The following RAP1GDS1 variants were observed in gnomAD, a reference collection of about 807,000 sequenced individuals.
The protein encoded by RAP1GDS1 is RAP1, GTP-GDP dissociation stimulator 1.
A neutral mutation model predicts 71.1 loss-of-function variants in RAP1GDS1; 35 were observed. The observed-to-expected ratio is 0.49, with a 90% confidence interval of 0.38 to 0.65. RAP1GDS1 has a LOEUF of 0.65. Among genes scored for constraint, RAP1GDS1 ranks in the 30% least tolerant of loss-of-function variants. The probability of loss-of-function intolerance (pLI) is 0.00; values close to 1 mark genes in which losing one functional copy is unlikely to be tolerated. For synonymous variants in RAP1GDS1, 229 were observed against 243.1 expected (o/e 0.94, Z 0.54); for missense variants, 663 against 706.1 (o/e 0.94, Z 0.69).
intron 2 of RAP1GDS1, among the ~76,000 whole-genome samples, chr4:98,323,683 C>G (rs1323544287): frequency 7.3e-6 from 1 of 137,484 alleles, no homozygotes; most frequent in South Asian, 2.5e-4. Context: ...ACATGATTAT[C>G]TCAATAGATG....
intron 4 of RAP1GDS1, among the ~76,000 whole-genome samples, chr4:98,365,951 G>A (rs1004825461): frequency 5.3e-5 from 8 of 152,260 alleles, no homozygotes; most frequent in Admixed American, 3.3e-4. Context: ...AAACCTTAAC[G>A]TAAACAGTAA....
At chr4:98,323,929 C>T (rs1732454388) in intron 2 of RAP1GDS1, among the ~76,000 whole-genome samples, 1 of 137,462 alleles carries the variant, frequency 7.3e-6, no homozygotes, top group African/African-American at 2.7e-5. Flanking sequence ...CCAGGGCAAT[C>T]AGGCAGGAGA....
chr4:98,297,018 C>CTTTTT, intron 2 of RAP1GDS1: 1 of 152,598 alleles, frequency 6.6e-6, no homozygotes. Flanking sequence ...GCCTCGTTCT[C>CTTTTT]TTTTTTTTTT....
At position 98,278,989 on chromosome 4, in the gene RAP1GDS1, A is replaced by G. The variant is rs551354554; in HGVS notation, c.5-14419A>G. Among the ~76,000 whole-genome samples, 116 of 152,292 alleles carry G rather than the reference A, an allele frequency of 7.6e-4. 2 individuals carry two copies. The South Asian group carries it at 0.011, about 14-fold the overall frequency. ...TGTAATCCCAGCACTTTGGGAGGCC[A>G]AGGCGGGTGGATCATGAGGTCAGGA... On this transcript the variant is annotated intron_variant, in intron 1 of 14. Transcript: ENST00000408927.
chr4:98,321,635 A>G (rs1731919421), intron 2 of RAP1GDS1, among the ~76,000 whole-genome samples: 1 of 150,444 alleles, frequency 6.6e-6, no homozygotes, highest in African/African-American at 2.4e-5. Context: ...AAAGAAAAGA[A>G]TTTTCAACCC....
At chr4:98,339,159 T>C (rs1413761058) in intron 2 of RAP1GDS1, among the ~76,000 whole-genome samples, 5 of 152,168 alleles carry the variant, frequency 3.3e-5, no homozygotes, top group Admixed American at 3.3e-4. Flanking sequence ...TCCTTTTCTT[T>C]CCTATATCTG....
At chr4:98,287,082 AC>A (rs1726159428) in intron 1 of RAP1GDS1, among the ~76,000 whole-genome samples, 1 of 152,124 alleles carries the variant, frequency 6.6e-6, no homozygotes, top group Non-Finnish European at 1.5e-5. Context: ...AGTGCAAGTA[AC>A]TCAAAAGTAA....
chr4:98,410,453 ATT>A (rs1746882293), intron 7 of RAP1GDS1, among the ~76,000 whole-genome samples: 1 of 152,166 alleles, frequency 6.6e-6, no homozygotes, highest in Non-Finnish European at 1.5e-5. Flanking sequence ...AATTGGTACA[ATT>A]GGGAAGTAGT....
chr4:98,417,253 G>A (rs1748167333), intron 8 of RAP1GDS1, 114 bp from the exon 9 acceptor site: 1 of 1,020,674 alleles, frequency 9.8e-7, no homozygotes, highest in Non-Finnish European at 1.4e-6. Flanking sequence ...TTCCCATTAT[G>A]AATGTAACAG....
intron 6 of RAP1GDS1, among the ~76,000 whole-genome samples, chr4:98,401,580 G>A (rs1745412407): frequency 6.6e-6 from 1 of 152,188 alleles, no homozygotes; most frequent in African/African-American, 2.4e-5. Flanking sequence ...GGAGTCTGCT[G>A]ATAATATTAG....
At chr4:98,341,002 C>A (rs1264368837) in intron 2 of RAP1GDS1, among the ~76,000 whole-genome samples, 1 of 151,830 alleles carries the variant, frequency 6.6e-6, no homozygotes, top group Non-Finnish European at 1.5e-5. Context: ...AGAAACCTAC[C>A]CATGTACCCT....
In RAP1GDS1 at chr4:98,417,248, A is replaced by G. The variant is rs572420079; in HGVS notation, c.908-119A>G. On this transcript the variant is annotated intron_variant, in intron 8 of 14. Coordinates refer to ENST00000408927, the MANE Select transcript of RAP1GDS1 (RefSeq NM_001100427.2). ...TATAAAAAGAATCATTACTTTTCCC[A>G]TTATGAATGTAACAGTTTGTGAGGT... 5.0e-6 allele frequency: 5 copies of G among 992,786 alleles called. No individual in the cohort carries two copies. The East Asian group carries it at 7.6e-5, about 15-fold the overall frequency. The allele number at this position is 992,786 out of a possible 1,614,324, so 61.5% of individuals were successfully genotyped here. A position where few individuals can be genotyped will look rare whatever the true frequency, so the allele number is the denominator to read the frequency against.
intron 2 of RAP1GDS1, among the ~76,000 whole-genome samples, chr4:98,342,653 T>G (rs1735658232): frequency 6.6e-6 from 1 of 152,192 alleles, no homozygotes; most frequent in African/African-American, 2.4e-5. Flanking sequence ...ATAGGAACCA[T>G]GTAATCCCTT....
At chr4:98,428,553 A>C (rs1323418726) in intron 12 of RAP1GDS1, among the ~76,000 whole-genome samples, 1 of 152,212 alleles carries the variant, frequency 6.6e-6, no homozygotes, top group Non-Finnish European at 1.5e-5. Context: ...ACATGAATAG[A>C]CAGTAATGAA....
At chr4:98,307,823 C>A (rs1437071371) in intron 2 of RAP1GDS1, among the ~76,000 whole-genome samples, 6 of 151,916 alleles carry the variant, frequency 3.9e-5, no homozygotes, top group Non-Finnish European at 8.8e-5. Context: ...TTCCTCTTGC[C>A]CTTATAACTA....
At chr4:98,328,960 T>C (rs1733543760) in intron 2 of RAP1GDS1, among the ~76,000 whole-genome samples, 1 of 152,288 alleles carries the variant, frequency 6.6e-6, no homozygotes, top group African/African-American at 2.4e-5. Flanking sequence ...AGATTTTACC[T>C]ACACTCTTAA....
chr4:98,344,697 G>T (rs1281869757), intron 3 of RAP1GDS1, among the ~76,000 whole-genome samples: 1 of 152,138 alleles, frequency 6.6e-6, no homozygotes, highest in East Asian at 1.9e-4. Context: ...CTGATAAAGG[G>T]CATATCACTA....
chr4:98,432,604 T>C (rs1050155541), intron 12 of RAP1GDS1, among the ~76,000 whole-genome samples: 1 of 152,126 alleles, frequency 6.6e-6, no homozygotes, highest in African/African-American at 2.4e-5. Flanking sequence ...AAAGATACTT[T>C]CTAAAAATAG....
chr4:98,418,782 G>T lies in RAP1GDS1; in HGVS notation c.1165G>T (p.Ala389Ser). The change falls in exon 10 of 15, where the codon GCC (alanine) becomes TCC (serine). Residue 389 changes from alanine (A) to serine (S), a missense_variant. Ala to Ser is a moderately conservative substitution (Grantham distance 99). Transcript: ENST00000408927. ...HAALSALRNL[A>S]IPVINKAKML... ...AGCACTAAGTGCCCTCAGAAACCTGGCCATTCCAGGTAAGACTTAAGAATA... is the reference window on the plus strand; with the variant it reads ...AGCACTAAGTGCCCTCAGAAACCTGTCCATTCCAGGTAAGACTTAAGAATA... The T allele has an allele frequency of 6.3e-7, 1 of 1,590,530 alleles. No individual in the cohort carries two copies. Among genetic ancestry groups the T allele is most frequent in the Non-Finnish European group, 8.5e-7 (1 of 1,170,856 alleles).
Sources: gnomAD v4.1 joint callset for allele counts (sites outside exome capture counted in the v4.1 genomes callset) on GRCh38, gnomAD v4.1.1 for gene constraint, MANE v1.5 for transcripts, NCBI Gene and HGNC (gene_info 2026-07-23, HGNC 2026-07-21) for gene names.